Variants in CCDC146 observed in about 807,000 individuals in gnomAD.
The protein encoded by CCDC146 is coiled-coil domain-containing protein 146.
In CCDC146, 92 loss-of-function variants were observed where a neutral mutation model predicts 119.3. That is an observed-to-expected ratio of 0.77 (90% CI 0.65 to 0.92). CCDC146 has a LOEUF of 0.92. CCDC146 is among the 40% of genes least tolerant of loss of function. The pLI, the probability that CCDC146 is intolerant of heterozygous loss-of-function variation, is 0.00. For synonymous variants in CCDC146, 372 were observed against 371.8 expected (o/e 1.00, Z -0.01); for missense variants, 1,000 against 1,103.0 (o/e 0.91, Z 1.32).
intron 3 of CCDC146, 84 bp downstream of exon 3, chr7:77,237,113 C>T (rs1379125268): frequency 6.3e-6 from 7 of 1,108,562 alleles, no homozygotes; most frequent in Non-Finnish European, 9.5e-6. Flanking sequence ...TTTGCATTCC[C>T]CCATAAGCAG....
intron 1 of CCDC146, among the ~76,000 whole-genome samples, chr7:77,160,270 A>C (rs1283934931): frequency 6.6e-6 from 1 of 152,154 alleles, no homozygotes; most frequent in Non-Finnish European, 1.5e-5. Flanking sequence ...TTGGTTCCAT[A>C]TGAACTTTAA....
intron 1 of CCDC146, among the ~76,000 whole-genome samples, chr7:77,138,703 C>T (rs980702918): frequency 2.6e-4 from 40 of 152,232 alleles, no homozygotes; most frequent in African/African-American, 7.2e-4. Context: ...GATTTAAAAA[C>T]GGGCCAAAGA....
At chr7:77,124,570 C>T in intron 1 of CCDC146, among the ~76,000 whole-genome samples, 1 of 152,170 alleles carries the variant, frequency 6.6e-6, no homozygotes, top group Non-Finnish European at 1.5e-5. Flanking sequence ...CCAAAACGTC[C>T]ATTTTCCTGA....
chr7:77,224,081 A>G (rs565423870), intron 2 of CCDC146, among the ~76,000 whole-genome samples: 42 of 152,368 alleles, frequency 2.8e-4, no homozygotes, highest in African/African-American at 9.1e-4. Context: ...AAAACATGGT[A>G]TGGTTTAGGA....
chr7:77,248,081 T>A (rs1438049639), intron 4 of CCDC146, among the ~76,000 whole-genome samples: 1 of 152,170 alleles, frequency 6.6e-6, no homozygotes, highest in Non-Finnish European at 1.5e-5. Context: ...ATATATACAA[T>A]GGAATACTAT....
At chr7:77,242,005 G>A (rs558637974) in intron 4 of CCDC146, 105 bp downstream of exon 4, 7 of 795,554 alleles carry the variant, frequency 8.8e-6, no homozygotes, top group African/African-American at 1.7e-5. Context: ...ATAGCAGTAC[G>A]ATGATGATTG....
At chr7:77,199,178 T>A (rs1310107280) in intron 2 of CCDC146, 1 of 1,611,270 alleles carries the variant, frequency 6.2e-7, no homozygotes, top group East Asian at 2.2e-5. Context: ...TTATTATACA[T>A]ACCTGGACGT....
intron 5 of CCDC146, 76 bp from the exon 6 acceptor site, chr7:77,256,257 T>C (rs1008492736): frequency 4.0e-6 from 4 of 1,004,438 alleles, no homozygotes; most frequent in African/African-American, 3.3e-5. Context: ...TGGGTGAAAT[T>C]AGTTTTAGTT....
intron 5 of CCDC146, 34 bp from the exon 6 acceptor site, chr7:77,256,299 C>T: frequency 1.3e-6 from 2 of 1,502,770 alleles, no homozygotes; most frequent in Non-Finnish European, 1.8e-6. Flanking sequence ...TTTGCTCAGA[C>T]TATATAACCT....
In CCDC146 at chr7:77,163,051, T is replaced by A. The variant is rs1187551066; in HGVS notation, c.-11-4607T>A. Among the ~76,000 whole-genome samples the A allele has an allele frequency of 7.9e-5, 12 of 152,224 alleles. No individual in the cohort carries two copies. The East Asian group carries it at 2.1e-3, about 27-fold the overall frequency. ...AAGAATTTGTACAGATTCAGCATGGTACTTATCATTTGTTGCCTAGGTAAG... is the reference window on the plus strand; with the variant it reads ...AAGAATTTGTACAGATTCAGCATGGAACTTATCATTTGTTGCCTAGGTAAG... On this transcript the variant is annotated intron_variant, in intron 1 of 18. Transcript: ENST00000285871.
chr7:77,231,644 T>C (rs905557640), intron 2 of CCDC146, among the ~76,000 whole-genome samples: 2 of 152,126 alleles, frequency 1.3e-5, no homozygotes, highest in African/African-American at 4.8e-5. Context: ...TGTAGCTCCT[T>C]AAAAATTTCT....
At chr7:77,159,372 A>G (rs1415444830) in intron 1 of CCDC146, among the ~76,000 whole-genome samples, 1 of 152,166 alleles carries the variant, frequency 6.6e-6, no homozygotes, top group Non-Finnish European at 1.5e-5. Flanking sequence ...TGACTGCTTT[A>G]AGTTCCATAT....
chr7:77,130,725 T>A lies in CCDC146; in HGVS notation c.-12+7993T>A, dbSNP rs1476759337. Among the ~76,000 whole-genome samples the A allele has an allele frequency of 4.2e-5, 6 of 141,274 alleles. No homozygotes were observed. In the South Asian group the frequency reaches 9.3e-4, roughly 22 times the overall value. The allele number at this position is 141,274 out of a possible 152,430, so 92.7% of individuals were successfully genotyped here. A position where few individuals can be genotyped will look rare whatever the true frequency, so the allele number is the denominator to read the frequency against. ...GCCATTCTCCTGCCTCAGCCTCCCG[T>A]GTAGCTGGGACTACAGGCGCGCGCC... On this transcript the variant is annotated intron_variant, in intron 1 of 18. Transcript: ENST00000285871.
intron 16 of CCDC146, 183 bp from the exon 17 acceptor site, chr7:77,287,257 G>A: frequency 3.2e-6 from 2 of 621,498 alleles, no homozygotes; most frequent in Non-Finnish European, 2.8e-6. Context: ...GAGCTGAGGG[G>A]GCCATACTCG....
chr7:77,234,252 CTTT>C (rs11286441), intron 2 of CCDC146, among the ~76,000 whole-genome samples: 1 of 147,466 alleles, frequency 6.8e-6, no homozygotes, highest in African/African-American at 2.5e-5. Flanking sequence ...TTTGTAAAGG[CTTT>C]TTTTTTTTTT....
intron 2 of CCDC146, among the ~76,000 whole-genome samples, chr7:77,228,327 A>G (rs939423307): frequency 3.3e-5 from 5 of 152,096 alleles, no homozygotes; most frequent in African/African-American, 4.8e-5. Context: ...ACCCTCTGAC[A>G]GGCCCCAGTG....
At chr7:77,233,685 A>C (rs1451547755) in intron 2 of CCDC146, among the ~76,000 whole-genome samples, 1 of 152,130 alleles carries the variant, frequency 6.6e-6, no homozygotes, top group Non-Finnish European at 1.5e-5. Context: ...AATGGGGTTT[A>C]TGCTCCTATG....
In CCDC146 at chr7:77,280,609, G is replaced by T; in HGVS notation, c.1875G>T (p.Gln625His). 1.2e-6 allele frequency: 2 copies of T among 1,613,958 alleles called. No individual in the cohort carries two copies. Among genetic ancestry groups the T allele is most frequent in the Non-Finnish European group, 1.7e-6 (2 of 1,179,930 alleles). Residue 625 changes from glutamine (Q) to histidine (H), a missense_variant, in exon 14 of 19, where the codon CAG (glutamine) becomes CAT (histidine). Around this residue, in one of 2 missense-constraint regions of CCDC146, gnomAD observed 985 missense variants for 1,045.3 expected, o/e 0.94. Coordinates refer to ENST00000285871, the MANE Select transcript of CCDC146 (RefSeq NM_020879.3). The stretch of plus-strand genomic sequence containing the variant: ...CAATGATCGAAGAGGAGATGGTGCA[G>T]CTTCGCAAAAGATACGAAAAAGCTG... ...TITMIEEEMV[Q>H]LRKRYEKAVQ...
chr7:77,265,927 C>A (rs1042672963), intron 9 of CCDC146, among the ~76,000 whole-genome samples: 2 of 152,172 alleles, frequency 1.3e-5, no homozygotes, highest in African/African-American at 4.8e-5. Flanking sequence ...TCAAAACCAT[C>A]AGAGCTTTTA....
Sources: allele counts gnomAD v4.1 joint callset (sites outside exome capture counted in the v4.1 genomes callset), GRCh38; gene constraint gnomAD v4.1.1; regional missense constraint gnomAD v4.1.1; transcripts MANE v1.5; gene names NCBI Gene and HGNC (gene_info 2026-07-23, HGNC 2026-07-21).